The following PTPN22 variants were observed in gnomAD, a reference collection of about 807,000 sequenced individuals.
PTPN22 encodes the protein tyrosine-protein phosphatase non-receptor type 22.
Under a neutral mutation model 103.3 loss-of-function variants are expected in PTPN22, and 85 were observed. The ratio of observed to expected loss-of-function variants is 0.82; its 90% confidence interval spans 0.69 to 0.99. PTPN22 has a LOEUF of 0.99. PTPN22 is among the 50% of genes least tolerant of loss of function. The probability of loss-of-function intolerance (pLI) is 0.00; values close to 1 mark genes in which losing one functional copy is unlikely to be tolerated. For missense variants in PTPN22, 865 were observed against 936.9 expected (o/e 0.92, Z 1.00); for synonymous variants, 323 against 310.2 (o/e 1.04, Z -0.43).
chr1:113,839,100 C>T (rs1663283986), intron 11 of PTPN22, among the ~76,000 whole-genome samples: 1 of 152,126 alleles, frequency 6.6e-6, no homozygotes, highest in Non-Finnish European at 1.5e-5. Flanking sequence ...TTACTATTCC[C>T]CCTGATTAAT....
intron 19 of PTPN22, among the ~76,000 whole-genome samples, chr1:113,821,802 A>G (rs1324750797): frequency 4.6e-5 from 7 of 152,190 alleles, no homozygotes; most frequent in Admixed American, 4.6e-4. Context: ...CAGTTGGTAT[A>G]TTGGCATGGT....
intron 7 of PTPN22, 57 bp from the exon 8 acceptor site, chr1:113,855,106 T>C: frequency 2.0e-6 from 3 of 1,463,494 alleles, no homozygotes; most frequent in South Asian, 2.4e-5. Flanking sequence ...AAACCACCTA[T>C]TGGGTATTAT....
At chr1:113,824,133 G>A (rs1048802695) in intron 19 of PTPN22, among the ~76,000 whole-genome samples, 13 of 146,830 alleles carry the variant, frequency 8.9e-5, no homozygotes, top group Admixed American at 4.1e-4. Context: ...ACGGAGTCTC[G>A]CTCTGTTGCC....
exon 14 of PTPN22, chr1:113,834,946 A>G (rs2476601): frequency 0.91 from 1,438,561 of 1,574,936 alleles, 658,157 homozygotes; most frequent in East Asian, 1. Flanking sequence ...TCAGGTGTCC[A>G]TACAGGAAGT....
At chr1:113,831,971 T>C (rs1011751770) in intron 16 of PTPN22, among the ~76,000 whole-genome samples, 1 of 152,234 alleles carries the variant, frequency 6.6e-6, no homozygotes, top group African/African-American at 2.4e-5. Flanking sequence ...TAATATTTAA[T>C]GAGGACTTAT....
At chr1:113,859,781 C>A (rs1251431297) in intron 1 of PTPN22, among the ~76,000 whole-genome samples, 1 of 152,158 alleles carries the variant, frequency 6.6e-6, no homozygotes, top group Non-Finnish European at 1.5e-5. Context: ...ATATTAAAAG[C>A]TTAATTTACT....
At chr1:113,867,683 G>A (rs1334737156) in intron 1 of PTPN22, among the ~76,000 whole-genome samples, 4 of 152,168 alleles carry the variant, frequency 2.6e-5, no homozygotes, top group Non-Finnish European at 5.9e-5. Context: ...CACACAATAA[G>A]CACTCAATGA....
intron 1 of PTPN22, 97 bp from the exon 2 acceptor site, chr1:113,859,557 C>A: frequency 1.1e-6 from 1 of 939,552 alleles, no homozygotes; most frequent in Non-Finnish European, 1.7e-6. Flanking sequence ...AAACATTCTA[C>A]CTCAACCCTT....
chr1:113,824,966 CAAAAAAAAAAA>C (rs35424386), intron 19 of PTPN22, among the ~76,000 whole-genome samples, 165 bp downstream of exon 19: 1 of 65,152 alleles, frequency 1.5e-5, no homozygotes, highest in East Asian at 6.0e-4. Flanking sequence ...TGAAGCCTAG[CAAAAAAAAAAA>C]AAAAAAAAAA....
chr1:113,847,334 TTTG>T (rs1171826421), intron 11 of PTPN22, among the ~76,000 whole-genome samples: 2 of 151,722 alleles, frequency 1.3e-5, no homozygotes, highest in African/African-American at 2.4e-5. Context: ...TTTTTATTGT[TTTG>T]TTGTTGTTGT....
chr1:113,833,267 C>T (rs1571368701), intron 15 of PTPN22, 129 bp from the exon 16 acceptor site: 2 of 608,112 alleles, frequency 3.3e-6, no homozygotes, highest in Non-Finnish European at 2.7e-6. Context: ...AATGTAGACC[C>T]TATTTTTCCT....
intron 1 of PTPN22, chr1:113,864,048 T>C (rs1571473712): frequency 3.6e-6 from 1 of 279,188 alleles, no homozygotes; most frequent in Non-Finnish European, 7.0e-6. Flanking sequence ...GGAGAGTCAC[T>C]TGCGGTGAGC....
At chr1:113,837,647 A>G in exon 13 of PTPN22, 1 of 1,604,646 alleles carries the variant, frequency 6.2e-7, no homozygotes, top group Non-Finnish European at 8.5e-7. Context: ...GAATTCAGTG[A>G]TAAAGAATCA....
At chr1:113,852,993 C>A (rs968343886) in intron 9 of PTPN22, among the ~76,000 whole-genome samples, 4 of 152,204 alleles carry the variant, frequency 2.6e-5, no homozygotes, top group Non-Finnish European at 5.9e-5. Flanking sequence ...GGCTGGAGTG[C>A]AACAGCGCGA....
intron 16 of PTPN22, among the ~76,000 whole-genome samples, chr1:113,832,400 G>A (rs1484017348): frequency 1.3e-5 from 2 of 152,094 alleles, no homozygotes; most frequent in Non-Finnish European, 2.9e-5. Flanking sequence ...GGATGGTCTC[G>A]ATCTCTTGAC....
At chr1:113,821,764 G>C (rs1661635479) in intron 19 of PTPN22, among the ~76,000 whole-genome samples, 1 of 152,164 alleles carries the variant, frequency 6.6e-6, no homozygotes, top group Non-Finnish European at 1.5e-5. Context: ...TTAGATTAAG[G>C]AAATGACCTA....
intron 1 of PTPN22, among the ~76,000 whole-genome samples, chr1:113,865,868 G>C (rs534664244): frequency 5.3e-5 from 8 of 152,326 alleles, no homozygotes; most frequent in Middle Eastern, 6.8e-3. Context: ...CTTCACAGCA[G>C]TTCTTCAAAG....
exon 10 of PTPN22, chr1:113,852,065 C>G (rs1571428991): frequency 6.2e-7 from 1 of 1,611,718 alleles, no homozygotes; most frequent in Admixed American, 1.7e-5. Flanking sequence ...GTCCGCATTT[C>G]CCGGATCAAA....
chr1:113,863,929 T>TATA (rs1558057704), intron 1 of PTPN22, among the ~76,000 whole-genome samples: 2 of 145,492 alleles, frequency 1.4e-5, no homozygotes, highest in South Asian at 4.2e-4. Flanking sequence ...ATATATATAT[T>TATA]TTTTTTTGAC....
Sources: gnomAD v4.1 joint callset for allele counts (sites outside exome capture counted in the v4.1 genomes callset) on GRCh38, gnomAD v4.1.1 for gene constraint, MANE v1.5 for transcripts, NCBI Gene and HGNC (gene_info 2026-07-23, HGNC 2026-07-21) for gene names.